APBA2: variants seen among roughly 807,000 people sequenced by gnomAD.
The protein encoded by APBA2 is amyloid beta precursor protein binding family A member 2.
In APBA2, 30 loss-of-function variants were observed where a neutral mutation model predicts 75.0. The ratio of observed to expected loss-of-function variants is 0.40; its 90% CI spans 0.30 to 0.54. The LOEUF is 0.54. Ranked by LOEUF, APBA2 falls within the 20% of genes least tolerant of loss-of-function variation. APBA2 has a pLI of 0.49. For missense variants in APBA2, 801 were observed against 1,016.1 expected (o/e 0.79, Z 2.88); for synonymous variants, 444 against 409.6 (o/e 1.08, Z -1.01).
intron 2 of APBA2, among the ~76,000 whole-genome samples, chr15:28,927,673 C>G (rs983534046): frequency 6.6e-6 from 1 of 150,596 alleles, no homozygotes; most frequent in African/African-American, 2.4e-5. Context: ...GTGATCCCCC[C>G]GCCTCAGCCT....
chr15:28,888,477 G>A (rs1287252309), intron 1 of APBA2, among the ~76,000 whole-genome samples: 3 of 152,094 alleles, frequency 2.0e-5, no homozygotes, highest in African/African-American at 4.8e-5. Context: ...AGACCCCCTC[G>A]AGGCCTCAGC....
In APBA2 at chr15:29,117,191, G is replaced by T. The variant is rs1012277794; in HGVS notation, c.*58G>T. ...CGGGCAGGGCCGCCCGGGCCCAGAG[G>T]AGCTGGGAGCCGGGCCGCAGACTTG... On this transcript the variant is annotated 3_prime_UTR_variant, in exon 15 of 15. Transcript: ENST00000683413. The T allele has an allele frequency of 6.5e-7, 1 of 1,547,446 alleles. No homozygotes were observed. Among genetic ancestry groups the T allele is most frequent in the African/African-American group, 1.4e-5 (1 of 73,606 alleles).
chr15:28,886,870 C>T (rs1472495798), intron 1 of APBA2, among the ~76,000 whole-genome samples: 1 of 152,230 alleles, frequency 6.6e-6, no homozygotes, highest in Non-Finnish European at 1.5e-5. Context: ...ACCTGCCCCT[C>T]GGCCTGGCCC....
chr15:29,038,223 G>A (rs2040843963), intron 3 of APBA2, among the ~76,000 whole-genome samples: 1 of 152,162 alleles, frequency 6.6e-6, no homozygotes, highest in Non-Finnish European at 1.5e-5. Flanking sequence ...TCGTTTTGGT[G>A]TTGGGGGACT....
chr15:29,043,028 C>G (rs2041130896), intron 3 of APBA2, among the ~76,000 whole-genome samples: 1 of 152,188 alleles, frequency 6.6e-6, no homozygotes, highest in African/African-American at 2.4e-5. Context: ...ACCGCTATTT[C>G]CAGAAGTTCT....
At position 29,098,064 on chromosome 15, in the gene APBA2, G is replaced by C. The variant is rs139964703; in HGVS notation, c.1252-426G>C. Among the ~76,000 whole-genome samples, 67 of 152,280 alleles carry C rather than the reference G, an allele frequency of 4.4e-4. 1 individual carries two copies. Among genetic ancestry groups the C allele is most frequent in the African/African-American group, 1.5e-3 (64 of 41,548 alleles). On this transcript the variant is annotated intron_variant, in intron 8 of 14. Transcript: ENST00000683413. ...TATCCATTCATCGTGAATGGACTTC[G>C]GGTTGATCCCATGTCTTGGCTGTTG...
At chr15:28,912,912 A>T (rs1595442932) in intron 1 of APBA2, among the ~76,000 whole-genome samples, 1 of 152,252 alleles carries the variant, frequency 6.6e-6, no homozygotes. Context: ...CCATTCATTC[A>T]TCATTCAGCA....
intron 6 of APBA2, among the ~76,000 whole-genome samples, chr15:29,083,634 G>A (rs1301765952): frequency 6.6e-6 from 1 of 152,050 alleles, no homozygotes; most frequent in Non-Finnish European, 1.5e-5. Flanking sequence ...GGGTTCAAGC[G>A]ATTCTCCTGT....
chr15:29,068,786 G>T (rs2042489203), intron 4 of APBA2, among the ~76,000 whole-genome samples: 1 of 152,170 alleles, frequency 6.6e-6, no homozygotes, highest in Non-Finnish European at 1.5e-5. Context: ...TAGGTGAAGG[G>T]GCTCTCACAG....
chr15:28,904,321 C>T (rs1195506303), intron 1 of APBA2, among the ~76,000 whole-genome samples: 1 of 152,188 alleles, frequency 6.6e-6, no homozygotes, highest in East Asian at 1.9e-4. Flanking sequence ...CGGTTTCTTC[C>T]ACACCCAGCC....
intron 4 of APBA2, among the ~76,000 whole-genome samples, chr15:29,064,582 A>C (rs1368326415): frequency 6.6e-6 from 1 of 152,138 alleles, no homozygotes; most frequent in Non-Finnish European, 1.5e-5. Context: ...GGGCTTTGGG[A>C]AGTCAGCCGA....
intron 3 of APBA2, among the ~76,000 whole-genome samples, chr15:29,028,096 T>C (rs556648667): frequency 6.0e-4 from 91 of 151,614 alleles, no homozygotes; most frequent in Non-Finnish European, 1.0e-3. Flanking sequence ...TATCAACCCA[T>C]CACCGAGGTA....
chr15:29,110,082 G>T (rs543191556), intron 13 of APBA2, among the ~76,000 whole-genome samples: 2 of 152,374 alleles, frequency 1.3e-5, no homozygotes, highest in African/African-American at 4.8e-5. Flanking sequence ...CAGAAAATCA[G>T]CTGGAGCCCT....
At chr15:29,085,524 CAA>C (rs777850421) in intron 6 of APBA2, among the ~76,000 whole-genome samples, 4,957 of 56,896 alleles carry the variant, frequency 0.087, 156 homozygotes, top group African/African-American at 0.18. Flanking sequence ...GACTCCATCT[CAA>C]AAAAAAAAAA....
chr15:29,088,150 G>A (rs952361171), intron 6 of APBA2, among the ~76,000 whole-genome samples: 2 of 152,108 alleles, frequency 1.3e-5, no homozygotes, highest in South Asian at 4.1e-4. Flanking sequence ...AATACACGAG[G>A]TCTCCTTGTA....
At chr15:29,111,540 C>T (rs957862898) in intron 13 of APBA2, among the ~76,000 whole-genome samples, 5 of 152,154 alleles carry the variant, frequency 3.3e-5, no homozygotes, top group South Asian at 2.1e-4. Flanking sequence ...GGCATGCAGG[C>T]GGCCATATGG....
chr15:28,912,494 C>T (rs2033476254), intron 1 of APBA2, among the ~76,000 whole-genome samples: 1 of 152,204 alleles, frequency 6.6e-6, no homozygotes, highest in South Asian at 2.1e-4. Context: ...TCATAAAAGC[C>T]CCAAGCTCTA....
intron 1 of APBA2, among the ~76,000 whole-genome samples, chr15:28,920,884 CAG>C (rs2033938477): frequency 6.6e-6 from 1 of 152,238 alleles, no homozygotes; most frequent in African/African-American, 2.4e-5. Flanking sequence ...CTCAGGATGT[CAG>C]TGGCAGAGCT....
At chr15:28,965,407 G>T (rs923131465) in intron 2 of APBA2, among the ~76,000 whole-genome samples, 1 of 152,112 alleles carries the variant, frequency 6.6e-6, no homozygotes, top group Non-Finnish European at 1.5e-5. Flanking sequence ...ATCAGGCAGG[G>T]TGATTTCCCC....
Sources: gnomAD v4.1 joint callset for allele counts (sites outside exome capture counted in the v4.1 genomes callset) on GRCh38, gnomAD v4.1.1 for gene constraint, MANE v1.5 for transcripts, NCBI Gene and HGNC (gene_info 2026-07-23, HGNC 2026-07-21) for gene names.